Variants in THNSL1 observed in about 807,000 individuals in gnomAD.
The protein encoded by THNSL1 is threonine synthase like 1.
In THNSL1, 48 loss-of-function variants were observed where a neutral mutation model predicts 50.4. The observed-to-expected ratio is 0.95, with a 90% confidence interval of 0.76 to 1.21. THNSL1 has a LOEUF of 1.21. Among genes scored for constraint, THNSL1 ranks in the 50% most tolerant of loss-of-function variants. THNSL1 has a pLI of 0.00. For missense variants in THNSL1, 896 were observed against 871.7 expected, an observed-to-expected ratio of 1.03 and a Z score of -0.35; for synonymous variants, 309 against 306.1, an observed-to-expected ratio of 1.01 and a Z score of -0.10.
the THNSL1 span, among the ~76,000 whole-genome samples, chr10:24,960,677 T>C: frequency 0.27 from 41,313 of 151,958 alleles, 6,925 homozygotes; most frequent in East Asian, 0.49. Flanking sequence ...TCCACCTGCC[T>C]CAGCCTCCCA....
At chr10:25,014,070 A>G (rs1283350382), upstream of THNSL1, among the ~76,000 whole-genome samples, 1 of 152,228 alleles carries the variant, frequency 6.6e-6, no homozygotes, top group Admixed American at 6.5e-5. Context: ...TGAGGCTTTC[A>G]TAACTTAAGT....
the THNSL1 span, among the ~76,000 whole-genome samples, chr10:24,965,467 A>G: frequency 1.3e-5 from 2 of 152,248 alleles, no homozygotes; most frequent in African/African-American, 2.4e-5. Context: ...AGTTTTCAGA[A>G]AAAGCTTACA....
chr10:24,993,025 G>A, the THNSL1 span, among the ~76,000 whole-genome samples: 2,002 of 152,294 alleles, frequency 0.013, 58 homozygotes, highest in African/African-American at 0.046. Flanking sequence ...TGGGCGCAGT[G>A]GCTCAAGCCT....
chr10:24,985,556 T>C, the THNSL1 span, among the ~76,000 whole-genome samples: 6 of 152,378 alleles, frequency 3.9e-5, no homozygotes, highest in East Asian at 9.6e-4. Flanking sequence ...ACACACATGC[T>C]AATTCAATAA....
chr10:25,024,955 T>C lies in THNSL1; in HGVS notation c.1732T>C (p.Leu578=). ...KSSNLERHLH[L]MANKDGQLMT... is the part of the protein sequence containing the mutation. ...TTCAAACCTAGAACGACATTTACACTTGATGGCTAATAAAGATGGACAGCT... is the reference window on the plus strand; with the variant it reads ...TTCAAACCTAGAACGACATTTACACCTGATGGCTAATAAAGATGGACAGCT... The change falls in exon 3 of 3, where the codon TTG becomes CTG. Residue 578 remains leucine, a synonymous_variant. Coordinates refer to ENST00000376356, the MANE Select transcript of THNSL1 (RefSeq NM_024838.5). The C allele has an allele frequency of 6.2e-7, 1 of 1,614,126 alleles. No homozygotes were observed. Among genetic ancestry groups the C allele is most frequent in the Non-Finnish European group, 8.5e-7 (1 of 1,180,030 alleles).
the THNSL1 span, among the ~76,000 whole-genome samples, chr10:24,980,706 G>A: frequency 6.6e-6 from 1 of 151,862 alleles, no homozygotes; most frequent in African/African-American, 2.4e-5. Context: ...TACCTGTTGG[G>A]TGTTTTTTGT....
At chr10:24,985,075 G>A in the THNSL1 span, among the ~76,000 whole-genome samples, 1 of 152,176 alleles carries the variant, frequency 6.6e-6, no homozygotes, top group East Asian at 1.9e-4. Context: ...CAAAAATACT[G>A]TACAGAGGCC....
the THNSL1 span, among the ~76,000 whole-genome samples, chr10:24,966,878 AT>A: frequency 2.6e-5 from 4 of 152,342 alleles, no homozygotes; most frequent in Non-Finnish European, 5.9e-5. Flanking sequence ...AGCACTTAGA[AT>A]AACGCAGACC....
the THNSL1 span, among the ~76,000 whole-genome samples, chr10:24,992,883 C>T: frequency 6.6e-6 from 1 of 152,152 alleles, no homozygotes; most frequent in African/African-American, 2.4e-5. Flanking sequence ...CAGGCCAATC[C>T]ACTTCAGGAA....
chr10:25,008,538 C>A, the THNSL1 span, among the ~76,000 whole-genome samples: 1 of 152,120 alleles, frequency 6.6e-6, no homozygotes, highest in Non-Finnish European at 1.5e-5. Flanking sequence ...AGAAAGTAGT[C>A]CAAGAAGGAT....
the THNSL1 span, chr10:24,995,677 G>A: frequency 2.5e-6 from 4 of 1,613,714 alleles, no homozygotes; most frequent in South Asian, 4.4e-5. Context: ...AACTAGTCCT[G>A]AAGGCTCAAG....
Position 25,023,900 on chromosome 10 carries a change from T to C in THNSL1, c.677T>C (p.Val226Ala). 1 of 1,614,178 alleles carries C rather than the reference T, an allele frequency of 6.2e-7. No individual in the cohort carries two copies. The highest frequency in any genetic ancestry group is 8.5e-7 in the Non-Finnish European group (1 of 1,180,016). The part of the protein sequence containing the change: ...VLNAIKRYQD[V>A]DSETFISTRH... ...AATGCAATTAAAAGATACCAAGATG[T>C]GGACTCGGAAACATTCATTTCAACA... Residue 226 changes from valine (V) to alanine (A), a missense_variant, in exon 3 of 3, where the codon GTG (valine) becomes GCG (alanine). Transcript: ENST00000376356.
At chr10:24,964,977 C>A in the THNSL1 span, among the ~76,000 whole-genome samples, 1 of 151,746 alleles carries the variant, frequency 6.6e-6, no homozygotes, top group South Asian at 2.1e-4. Context: ...GTGGGAGGAT[C>A]ACTTGACTAG....
chr10:25,021,744 T>C lies in THNSL1; in HGVS notation c.-213T>C, dbSNP rs1490969446. ...ACTTAAATTTTTTTCCATTATAGAC[T>C]CCACGTTTTGCAAAGATCGGTTTTG... is the stretch of plus-strand genomic sequence containing the variant. On this transcript the variant is annotated splice_region_variant and 5_prime_UTR_variant, in exon 2 of 3. Transcript: ENST00000376356. 3 of 152,224 alleles carry C rather than the reference T, an allele frequency of 2.0e-5. No homozygotes were observed. The highest frequency in any genetic ancestry group is 7.2e-5 in the African/African-American group (3 of 41,454). The allele number at this position is 152,224 out of a possible 1,614,324, so 9.4% of individuals were successfully genotyped here.
At chr10:25,001,496 C>T in the THNSL1 span, among the ~76,000 whole-genome samples, 1 of 152,022 alleles carries the variant, frequency 6.6e-6, no homozygotes, top group African/African-American at 2.4e-5. Context: ...TTCTCCTCTT[C>T]CATGATTCTT....
the THNSL1 span, among the ~76,000 whole-genome samples, chr10:24,988,664 GTATATATATATATATATATA>G: frequency 0.031 from 3,031 of 98,008 alleles, 84 homozygotes; most frequent in Non-Finnish European, 0.04. Flanking sequence ...CACAGCATAT[GTATATATATATATATATATA>G]TATATATATA....
Position 25,026,509 on chromosome 10 carries a change from C to T in THNSL1, c.*1054C>T, listed in dbSNP as rs1264967917. 2.4e-5 allele frequency: 4 copies of T among 166,976 alleles called. No individual in the cohort carries two copies. The highest frequency in any genetic ancestry group is 9.6e-5 in the African/African-American group (4 of 41,462). 10.3% of individuals were successfully genotyped at this position (166,976 alleles called of 1,614,324 possible). The stretch of plus-strand genomic sequence containing the variant: ...TTCTTACGTAATTTGTTGTTTATTT[C>T]TTCAGTGAACATTGTCTTTTTCTGG... On this transcript the variant is annotated 3_prime_UTR_variant, in exon 3 of 3. Coordinates refer to ENST00000376356, the MANE Select transcript of THNSL1 (RefSeq NM_024838.5).
chr10:25,025,654 G>A lies in THNSL1; in HGVS notation c.*199G>A. On this transcript the variant is annotated 3_prime_UTR_variant, in exon 3 of 3. Coordinates refer to ENST00000376356, the MANE Select transcript of THNSL1 (RefSeq NM_024838.5). ...ATCTTTAATCTGGAAGTGACAAAAG[G>A]TAACACAGTGCACGGACCTTTGAGC... is the stretch of plus-strand genomic sequence containing the variant. 1 of 593,116 alleles carries A rather than the reference G, an allele frequency of 1.7e-6. No individual in the cohort carries two copies. Among genetic ancestry groups the A allele is most frequent in the East Asian group, 2.9e-5 (1 of 34,004 alleles). The allele number at this position is 593,116 out of a possible 1,614,324, so 36.7% of individuals were successfully genotyped here. A position where few individuals can be genotyped will look rare whatever the true frequency, so the allele number is the denominator to read the frequency against.
At chr10:24,973,518 A>G in the THNSL1 span, among the ~76,000 whole-genome samples, 1 of 152,166 alleles carries the variant, frequency 6.6e-6, no homozygotes, top group South Asian at 2.1e-4. Flanking sequence ...TGTTGACCAC[A>G]GGTAACTAAA....
Sources: allele counts gnomAD v4.1 joint callset (sites outside exome capture counted in the v4.1 genomes callset), GRCh38; gene constraint gnomAD v4.1.1; transcripts MANE v1.5; gene names NCBI Gene and HGNC (gene_info 2026-07-23, HGNC 2026-07-21).